Variants in TRIP12 observed in about 807,000 individuals in gnomAD.
TRIP12 encodes the protein E3 ubiquitin-protein ligase TRIP12.
In TRIP12, 25 loss-of-function variants were observed where a neutral mutation model predicts 244.2. The ratio of observed to expected loss-of-function variants is 0.10; its 90% confidence interval spans 0.07 to 0.14. TRIP12 has a LOEUF of 0.14. TRIP12 is among the 10% of genes least tolerant of loss of function. TRIP12 has a pLI of 1.00. For missense variants in TRIP12, 1,677 were observed against 2,486.4 expected (o/e 0.67, Z 6.92); for synonymous variants, 905 against 873.1 (o/e 1.04, Z -0.64).
intron 1 of TRIP12, among the ~76,000 whole-genome samples, chr2:229,900,089 A>C (rs1043052098): frequency 6.6e-6 from 1 of 152,236 alleles, no homozygotes; most frequent in African/African-American, 2.4e-5. Flanking sequence ...AAAGTTTTTA[A>C]GGAGAGATTC....
intron 6 of TRIP12, among the ~76,000 whole-genome samples, chr2:229,836,052 T>C (rs1263992626): frequency 2.0e-5 from 3 of 152,206 alleles, no homozygotes; most frequent in African/African-American, 7.2e-5. Flanking sequence ...AACCACAACC[T>C]TCCTGGCAAA....
chr2:229,793,640 T>C (rs574439550), intron 26 of TRIP12, among the ~76,000 whole-genome samples: 1 of 152,366 alleles, frequency 6.6e-6, no homozygotes, highest in South Asian at 2.1e-4. Flanking sequence ...AGCGGTTTAA[T>C]AGCTACTGCA....
At chr2:229,901,553 G>C (rs1238989950) in intron 1 of TRIP12, among the ~76,000 whole-genome samples, 12 of 150,738 alleles carry the variant, frequency 8.0e-5, no homozygotes, top group Admixed American at 8.0e-4. Flanking sequence ...AACCTGGGTG[G>C]TGGAGGTTGC....
chr2:229,785,983 G>C, intron 33 of TRIP12, 128 bp from the exon 34 acceptor site: 1 of 741,114 alleles, frequency 1.3e-6, no homozygotes, highest in East Asian at 3.0e-5. Flanking sequence ...TCCTTAAACA[G>C]GTAACTCAGA....
intron 1 of TRIP12, chr2:229,921,564 C>T (rs947056899): frequency 5.9e-5 from 9 of 152,078 alleles, no homozygotes; most frequent in African/African-American, 1.9e-4. Context: ...CAAGCCTTAC[C>T]CCGGTTCTGT....
Position 229,810,994 on chromosome 2 carries a change from G to T in TRIP12, c.2107C>A (p.Leu703Met). 6.2e-7 allele frequency: 1 copy of T among 1,614,084 alleles called. No homozygotes were observed. Among genetic ancestry groups the T allele is most frequent in the African/African-American group, 1.3e-5 (1 of 75,046 alleles). Residue 703 changes from leucine (L) to methionine (M), a missense_variant, in exon 15 of 42, where the codon CTG becomes ATG. Coordinates refer to ENST00000675903, the MANE Select transcript of TRIP12 (RefSeq NM_001348323.3). ...AAAATGGGTGGAGTCACTACCAACA[G>T]CTGTTGAACATTTGTAAGCAGATCT... ...SKDLLTNVQQ[L>M]LVVTPPILSS...
At chr2:229,855,289 AAAC>A (rs773102869) in intron 4 of TRIP12, among the ~76,000 whole-genome samples, 36 of 152,260 alleles carry the variant, frequency 2.4e-4, no homozygotes, top group Admixed American at 7.8e-4. Context: ...CAAAAACAAA[AAAC>A]AACAACTTGC....
chr2:229,837,589 A>G (rs2055170664), intron 5 of TRIP12, among the ~76,000 whole-genome samples: 1 of 152,132 alleles, frequency 6.6e-6, no homozygotes, highest in Non-Finnish European at 1.5e-5. Flanking sequence ...AGCCGAGATC[A>G]TGCCACTGCA....
intron 32 of TRIP12, among the ~76,000 whole-genome samples, chr2:229,788,057 C>T (rs1164020809): frequency 5.9e-5 from 9 of 152,156 alleles, no homozygotes; most frequent in Admixed American, 1.3e-4. Context: ...CTTGTCTTGG[C>T]CTCCCAAAGT....
intron 2 of TRIP12, among the ~76,000 whole-genome samples, chr2:229,865,332 AAAAAAAAAAAAGAAAG>A (rs200268858): frequency 0.43 from 55,653 of 128,794 alleles, 10,463 homozygotes; most frequent in East Asian, 0.62. Flanking sequence ...AAAAAAAAAA[AAAAAAAAAAAAGAAAG>A]AAAGAAAGCA....
chr2:229,843,545 C>T (rs2056955859), intron 4 of TRIP12, among the ~76,000 whole-genome samples: 1 of 152,018 alleles, frequency 6.6e-6, no homozygotes, highest in Admixed American at 6.6e-5. Context: ...CTGGGCAACG[C>T]AGATCTTGTC....
In TRIP12 at chr2:229,805,823, T is replaced by C. The variant is rs369641175; in HGVS notation, c.2557A>G (p.Ile853Val). The C allele has an allele frequency of 8.1e-6, 13 of 1,610,008 alleles. 1 individual carries two copies. The Admixed American group carries it at 1.7e-4, about 21-fold the overall frequency. ...ATTTGCTGCATAGAATTAAAATCAA[T>C]AGTATAAACTCGTCCCAGAGTGGAC... ...SLSTLGRVYT[I>V]DFNSMQQINE... is the part of the protein sequence containing the mutation. The change falls in exon 18 of 42, where the codon ATT becomes GTT. Residue 853 changes from isoleucine to valine, a missense_variant. By Grantham distance (29) the Ile-to-Val change is conservative (BLOSUM62 3). Transcript: ENST00000675903.
At chr2:229,843,813 C>T (rs917392643) in intron 4 of TRIP12, among the ~76,000 whole-genome samples, 4 of 152,018 alleles carry the variant, frequency 2.6e-5, no homozygotes, top group Non-Finnish European at 5.9e-5. Context: ...ATCCCTTAAG[C>T]CCAGGAGTCC....
chr2:229,819,303 G>C (rs907822424), intron 8 of TRIP12, among the ~76,000 whole-genome samples: 4 of 152,208 alleles, frequency 2.6e-5, no homozygotes, highest in Non-Finnish European at 5.9e-5. Flanking sequence ...CAAGCACTTT[G>C]GGAGGCCAAG....
At chr2:229,864,047 A>AGAGAGAGAGAGAGAGAGAGAGTGAGT in intron 2 of TRIP12, among the ~76,000 whole-genome samples, 3 of 79,292 alleles carry the variant, frequency 3.8e-5, no homozygotes, top group East Asian at 4.3e-4. Flanking sequence ...AGAGAGAGAG[A>AGAGAGAGAGAGAGAGAGAGAGTGAGT]GTGTGTGTGT....
In TRIP12 at chr2:229,810,941, AACC is replaced by A. The variant is rs754711840; in HGVS notation, c.2157_2159del (p.Val720del). On this transcript the variant is annotated inframe_deletion, in exon 15 of 42. Coordinates refer to ENST00000675903, the MANE Select transcript of TRIP12 (RefSeq NM_001348323.3). ...TGGAACACATCAGAGAAAACATGCGAACCACCATTATAAACATCCCAGAACTTA... is the reference window on the plus strand; with the variant it reads ...TGGAACACATCAGAGAAAACATGCGAACCATTATAAACATCCCAGAACTTA... 6.2e-7 allele frequency: 1 copy of A among 1,614,144 alleles called. No individual in the cohort carries two copies. Among genetic ancestry groups the A allele is most frequent in the Non-Finnish European group, 8.5e-7 (1 of 1,180,004 alleles).
intron 1 of TRIP12, among the ~76,000 whole-genome samples, chr2:229,912,829 T>C (rs1242637883): frequency 6.6e-6 from 1 of 152,164 alleles, no homozygotes; most frequent in Non-Finnish European, 1.5e-5. Context: ...GGGCAGATCT[T>C]GTATGGAACC....
chr2:229,815,501 C>T (rs868614646), intron 9 of TRIP12, among the ~76,000 whole-genome samples, 193 bp from the exon 10 acceptor site: 37 of 150,694 alleles, frequency 2.5e-4, no homozygotes, highest in Admixed American at 6.6e-4. Flanking sequence ...TCATCACACA[C>T]GGTGACTCCG....
Position 229,859,260 on chromosome 2 carries a change from C to G in TRIP12, c.539G>C (p.Ser180Thr). 6.2e-7 allele frequency: 1 copy of G among 1,614,240 alleles called. No individual in the cohort carries two copies. The highest frequency in any genetic ancestry group is 8.5e-7 in the Non-Finnish European group (1 of 1,180,046). The change falls in exon 4 of 42, where the codon AGT (serine) becomes ACT (threonine). Residue 180 changes from serine (S) to threonine (T), a missense_variant. By Grantham distance (58) the Ser-to-Thr change is moderately conservative (BLOSUM62 1). This residue lies in a region of TRIP12 where 387 missense variants were observed against 392.6 expected (regional missense o/e 0.99). Transcript: ENST00000675903. ...PSTSKAHTRK[S>T]GATGGSRSQK... ...ACTCCGTGAACCGCCAGTGGCCCCA[C>G]TCTTCCTGGTATGAGCCTTGCTTGT...
Sources: allele counts gnomAD v4.1 joint callset (sites outside exome capture counted in the v4.1 genomes callset), GRCh38; gene constraint gnomAD v4.1.1; regional missense constraint gnomAD v4.1.1; transcripts MANE v1.5; gene names NCBI Gene and HGNC (gene_info 2026-07-23, HGNC 2026-07-21).